The following GPHN variants were observed in gnomAD, a reference collection of about 807,000 sequenced individuals.
GPHN encodes gephyrin.
GPHN carries 17 observed loss-of-function variants against 95.5 expected under a neutral mutation model. The observed-to-expected ratio is 0.18, with a 90% CI of 0.12 to 0.27. GPHN has a LOEUF of 0.27. Among genes scored for constraint, GPHN ranks in the 10% least tolerant of loss-of-function variants. The pLI is 1.00. For synonymous variants in GPHN, 320 were observed against 322.5 expected (o/e 0.99, Z 0.08); for missense variants, 660 against 978.1 (o/e 0.67, Z 4.34).
At chr14:67,414,483 A>AC in the GPHN span, among the ~76,000 whole-genome samples, 5 of 152,226 alleles carry the variant, frequency 3.3e-5, no homozygotes, top group South Asian at 2.1e-4. Context: ...GGGGGCAGGG[A>AC]CGAGCAAGAA....
At chr14:66,806,096 T>C (rs1266215947) in intron 3 of GPHN, among the ~76,000 whole-genome samples, 1 of 152,172 alleles carries the variant, frequency 6.6e-6, no homozygotes, top group Non-Finnish European at 1.5e-5. Flanking sequence ...CAAACCTCAA[T>C]TCTTGATTTC....
chr14:67,560,672 C>T, the GPHN span, among the ~76,000 whole-genome samples: 2 of 152,024 alleles, frequency 1.3e-5, no homozygotes, highest in African/African-American at 4.8e-5. Context: ...AGAAAACAAC[C>T]TCCTTCTAAA....
chr14:66,811,535 C>A (rs2060761911), intron 3 of GPHN, among the ~76,000 whole-genome samples: 2 of 139,752 alleles, frequency 1.4e-5, no homozygotes. Context: ...TAAGACTACT[C>A]TTACATTCAG....
Position 67,179,646 on chromosome 14 carries a change from A to G in GPHN, c.2148A>G (p.Gln716=). 1 of 1,602,708 alleles carries G rather than the reference A, an allele frequency of 6.2e-7. No individual in the cohort carries two copies. The highest frequency in any genetic ancestry group is 8.6e-7 in the Non-Finnish European group (1 of 1,169,576). Residue 716 remains glutamine (Q), a synonymous_variant, in exon 22 of 23, where the codon CAA becomes CAG. Coordinates refer to ENST00000478722, the MANE Select transcript of GPHN (RefSeq NM_020806.5). ...YHRCILTWHH[Q]EPLPWAQSTG... is the part of the protein sequence containing the mutation. ...GGTGTATACTAACTTGGCATCACCA[A>G]GAACCACTACCTTGGGCACAGAGTA...
At chr14:67,145,804 G>A (rs868367656) in intron 18 of GPHN, among the ~76,000 whole-genome samples, 1 of 152,344 alleles carries the variant, frequency 6.6e-6, no homozygotes, top group African/African-American at 2.4e-5. Flanking sequence ...GTATTATGTA[G>A]CAGGCATGAA....
rs1268406676 is a variant in GPHN at position 66,683,363 on chromosome 14, T to TGTTC, written c.143+2178_143+2179insGTTC. On this transcript the variant is annotated intron_variant, in intron 2 of 22. Coordinates refer to ENST00000478722, the MANE Select transcript of GPHN (RefSeq NM_020806.5). ...ATATATATATATATATATATATATA[T>TGTTC]ATATATATATATATATGTTCATATA... Among the ~76,000 whole-genome samples the TGTTC allele has an allele frequency of 2.3e-3, 245 of 105,426 alleles. 24 individuals are homozygous for TGTTC. In the East Asian group the frequency reaches 0.025, roughly 11 times the overall value. The allele number at this position is 105,426 out of a possible 152,430, so 69.2% of individuals were successfully genotyped here.
intron 10 of GPHN, among the ~76,000 whole-genome samples, chr14:67,029,397 G>A (rs1468193246): frequency 6.6e-6 from 1 of 151,692 alleles, no homozygotes; most frequent in Non-Finnish European, 1.5e-5. Flanking sequence ...GTGTGCAATG[G>A]CACAGTCTTG....
chr14:67,020,744 T>C (rs2073576379), intron 9 of GPHN, among the ~76,000 whole-genome samples: 1 of 152,170 alleles, frequency 6.6e-6, no homozygotes, highest in Non-Finnish European at 1.5e-5. Context: ...GGGGAATTAT[T>C]TGTCAATACT....
At chr14:66,534,660 C>T (rs556081291) in intron 1 of GPHN, among the ~76,000 whole-genome samples, 2 of 152,198 alleles carry the variant, frequency 1.3e-5, no homozygotes, top group African/African-American at 4.8e-5. Context: ...TACATCCCCA[C>T]CAGCAATGTA....
At chr14:67,478,054 A>C in the GPHN span, among the ~76,000 whole-genome samples, 1 of 152,242 alleles carries the variant, frequency 6.6e-6, no homozygotes, top group East Asian at 1.9e-4. Context: ...ATCGCCATAT[A>C]ACAAATCATC....
intron 10 of GPHN, among the ~76,000 whole-genome samples, chr14:67,046,406 G>C (rs1299354083): frequency 6.6e-6 from 1 of 152,158 alleles, no homozygotes; most frequent in African/African-American, 2.4e-5. Flanking sequence ...AAATAGTACA[G>C]TGTATTCTGA....
intron 4 of GPHN, among the ~76,000 whole-genome samples, chr14:66,839,192 G>A (rs1286580137): frequency 6.6e-6 from 1 of 152,188 alleles, no homozygotes; most frequent in Non-Finnish European, 1.5e-5. Flanking sequence ...TGTACAGTTT[G>A]AAAATGATGG....
chr14:66,833,270 A>G (rs781756367), intron 4 of GPHN, among the ~76,000 whole-genome samples: 3 of 152,212 alleles, frequency 2.0e-5, no homozygotes, highest in Non-Finnish European at 4.4e-5. Context: ...GTAGAAGTAC[A>G]GAGCAACAGG....
chr14:67,017,629 A>G (rs9323489), intron 9 of GPHN, among the ~76,000 whole-genome samples: 23,806 of 152,040 alleles, frequency 0.16, 3,531 homozygotes, highest in East Asian at 0.45. Flanking sequence ...GATATAAAAC[A>G]TCCTGCTCTC....
chr14:67,375,382 G>C, the GPHN span, among the ~76,000 whole-genome samples: 1 of 151,944 alleles, frequency 6.6e-6, no homozygotes, highest in Non-Finnish European at 1.5e-5. Flanking sequence ...CTGCCTCCCG[G>C]AATGTTTGAG....
chr14:66,609,086 A>G (rs1277542065), intron 1 of GPHN, among the ~76,000 whole-genome samples: 1 of 152,094 alleles, frequency 6.6e-6, no homozygotes, highest in Non-Finnish European at 1.5e-5. Context: ...TCTATGGGCT[A>G]TATGCTTAAT....
chr14:66,624,548 A>G (rs570002297), intron 1 of GPHN, among the ~76,000 whole-genome samples: 143 of 152,194 alleles, frequency 9.4e-4, no homozygotes, highest in Non-Finnish European at 1.8e-3. Context: ...AGCTCCAAGG[A>G]CAGTCTAAAA....
chr14:66,581,152 G>A (rs2061149277), intron 1 of GPHN, among the ~76,000 whole-genome samples: 2 of 150,812 alleles, frequency 1.3e-5, no homozygotes, highest in South Asian at 4.2e-4. Context: ...TAGAGGGAAT[G>A]TACCTGAACA....
At chr14:67,503,690 A>T in the GPHN span, 131,940 of 151,862 alleles carry the variant, frequency 0.87, 58,476 homozygotes, top group Non-Finnish European at 0.95. Context: ...TACTTTTTTT[A>T]AATTATTTTT....
Sources: allele counts gnomAD v4.1 joint callset (sites outside exome capture counted in the v4.1 genomes callset), GRCh38; gene constraint gnomAD v4.1.1; transcripts MANE v1.5; gene names NCBI Gene and HGNC (gene_info 2026-07-23, HGNC 2026-07-21).